Variants in SNED1 observed in about 807,000 individuals in gnomAD.
The protein encoded by SNED1 is sushi, nidogen and EGF-like domain-containing protein 1.
SNED1 carries 81 observed loss-of-function variants against 166.7 expected under a neutral mutation model. The observed-to-expected ratio is 0.49, with a 90% CI of 0.41 to 0.58. SNED1 has a LOEUF of 0.58. Among genes scored for constraint, SNED1 ranks in the 20% least tolerant of loss-of-function variants. The pLI, the probability that SNED1 is intolerant of heterozygous loss-of-function variation, is 0.00. For synonymous variants in SNED1, 762 were observed against 822.0 expected (o/e 0.93, Z 1.25); for missense variants, 1,604 against 2,000.2 (o/e 0.80, Z 3.78).
rs776159705 is a variant in SNED1 at position 241,048,815 on chromosome 2, A to AT, written c.1504+50dup. On this transcript the variant is annotated intron_variant, in intron 10 of 31. Transcript: ENST00000310397. ...TGCCCTGTCCCTGAGCATCCTCATAATCGGGAAATGAATGGTGGCTTCGGC... is the reference window on the plus strand; with the variant it reads ...TGCCCTGTCCCTGAGCATCCTCATAATTCGGGAAATGAATGGTGGCTTCGGC... 5.5e-6 allele frequency: 8 copies of AT among 1,462,642 alleles called. No individual in the cohort carries two copies. The South Asian group carries it at 9.6e-5, about 17-fold the overall frequency. 90.6% of individuals were successfully genotyped at this position (1,462,642 alleles called of 1,614,324 possible).
intron 8 of SNED1, among the ~76,000 whole-genome samples, chr2:241,048,003 A>G (rs1019385381): frequency 1.6e-4 from 22 of 136,766 alleles, no homozygotes; most frequent in African/African-American, 6.1e-4. Context: ...GTTCTGTCCA[A>G]TCCTGGGTGG....
intron 8 of SNED1, among the ~76,000 whole-genome samples, chr2:241,044,456 G>C (rs748575448): frequency 6.6e-6 from 1 of 152,234 alleles, no homozygotes; most frequent in African/African-American, 2.4e-5. Flanking sequence ...GTAGCTGTCA[G>C]AGGACTCTGA....
chr2:241,051,297 A>C lies in SNED1; in HGVS notation c.1736-447A>C. 6.3e-6 allele frequency: 1 copy of C among 158,088 alleles called. No homozygotes were observed. The highest frequency in any genetic ancestry group is 1.4e-5 in the Non-Finnish European group (1 of 72,106). The allele number at this position is 158,088 out of a possible 1,614,324, so 9.8% of individuals were successfully genotyped here. On this transcript the variant is annotated intron_variant, in intron 12 of 31. Transcript: ENST00000310397. This position sits in a 1 kb window ranked among gnomAD's most constrained non-coding sequence, Gnocchi z 4.7. ...TCCAGGAACTGTTAGGACCCAGGGA[A>C]AATGTGGCAATGCCAATGCAGGTAC...
At position 241,013,383 on chromosome 2, in the gene SNED1, G is replaced by A. The variant is rs1164661358; in HGVS notation, c.213+14333G>A. The stretch of plus-strand genomic sequence containing the variant: ...TGCAGTGGCCTGAGCCTAGCTCACT[G>A]TAACCTCGAACTCATGGGCTCCAGT... On this transcript the variant is annotated intron_variant, in intron 1 of 31. Transcript: ENST00000310397. The surrounding 1 kb of genome is among the most constrained non-coding windows in gnomAD (Gnocchi z 4.6). Among the ~76,000 whole-genome samples, 1 of 152,136 alleles carries A rather than the reference G, an allele frequency of 6.6e-6. No individual in the cohort carries two copies. Among genetic ancestry groups the A allele is most frequent in the Non-Finnish European group, 1.5e-5 (1 of 68,036 alleles).
At chr2:241,007,404 A>C (rs1325066314) in intron 1 of SNED1, among the ~76,000 whole-genome samples, 1 of 152,218 alleles carries the variant, frequency 6.6e-6, no homozygotes, top group Non-Finnish European at 1.5e-5. Context: ...CAAAACCTTG[A>C]TTGCACCCTT....
rs1559262691 is a variant in SNED1 at position 241,048,646 on chromosome 2, CCT to C, written c.1400-11_1400-10del. 1 of 1,597,014 alleles carries C rather than the reference CCT, an allele frequency of 6.3e-7. No homozygotes were observed. Among genetic ancestry groups the C allele is most frequent in the South Asian group, 1.1e-5 (1 of 87,998 alleles). ...TGCGCCCCCACATGGGAGGCTCCTC[CCT>C]CTCTTCGTGGCAGGAGTCCCCGATG... On this transcript the variant is annotated splice_polypyrimidine_tract_variant and intron_variant, in intron 9 of 31. Transcript: ENST00000310397.
intron 16 of SNED1, among the ~76,000 whole-genome samples, chr2:241,054,002 T>C (rs2061962794): frequency 6.6e-6 from 1 of 152,204 alleles, no homozygotes; most frequent in South Asian, 2.1e-4. Flanking sequence ...AGCACCCAGA[T>C]TTGAGTGGGG....
rs202020143 is a variant in SNED1, at chr2:241,034,618, G to A, written c.693G>A (p.Ser231=). The change falls in exon 4 of 32, where the codon TCG becomes TCA. Residue 231 remains serine, a synonymous_variant. Transcript: ENST00000310397. ...DGQRYFSIPG[S]RTADMAEVET... is the part of the protein sequence containing the mutation. ...AGCGTTACTTCAGTATCCCCGGCTC[G>A]CGCACAGCAGACATGGCCGAGGTGG... The A allele has an allele frequency of 2.9e-5, 46 of 1,611,608 alleles. No homozygotes were observed. Among genetic ancestry groups the A allele is most frequent in the East Asian group, 1.3e-4 (6 of 44,852 alleles).
chr2:241,034,690 C>T lies in SNED1; in HGVS notation c.765C>T (p.Ile255=), dbSNP rs1559244560. ...TGCCCGGGCGCTGGGCGTTCAGAAT[C>T]GATGATGCCCAGGTGCGCGTGGGGG... ...VGVPGRWAFR[I]DDAQVRVGGC... The change falls in exon 4 of 32, where the codon ATC becomes ATT. Residue 255 remains isoleucine, a synonymous_variant. Coordinates refer to ENST00000310397, the MANE Select transcript of SNED1 (RefSeq NM_001080437.3). The T allele has an allele frequency of 1.9e-6, 3 of 1,600,118 alleles. No individual in the cohort carries two copies. Among genetic ancestry groups the T allele is most frequent in the African/African-American group, 1.3e-5 (1 of 74,628 alleles).
Position 241,064,006 on chromosome 2 carries a change from C to T in SNED1, c.2486-6C>T, listed in dbSNP as rs1165245022. The T allele has an allele frequency of 1.7e-5, 26 of 1,547,468 alleles. No individual in the cohort carries two copies. The highest frequency in any genetic ancestry group is 2.3e-5 in the Non-Finnish European group (26 of 1,143,996). On this transcript the variant is annotated splice_polypyrimidine_tract_variant and splice_region_variant and intron_variant, in intron 18 of 31. Transcript: ENST00000310397. This position sits in a 1 kb window ranked among gnomAD's most constrained non-coding sequence, Gnocchi z 7.0. ...AGCTTGGGCCCACTCTCTGGGTGTT[C>T]TCCAGAGGTGGACGCCTGCGACTCC...
intron 21 of SNED1, among the ~76,000 whole-genome samples, chr2:241,066,157 T>G (rs971883458): frequency 6.6e-6 from 1 of 152,162 alleles, no homozygotes; most frequent in Non-Finnish European, 1.5e-5. Flanking sequence ...TGACCAGATG[T>G]GACCCCTGAA....
In SNED1 at chr2:241,081,731, C is replaced by T. The variant is rs771290153; in HGVS notation, c.3971C>T (p.Pro1324Leu). Reference protein sequence around the residue: ...NPCQNGGTCVPGADAHSCDCG... With the variant: ...NPCQNGGTCVLGADAHSCDCG... ...TGTCAGAACGGAGGCACTTGTGTGC[C>T]GGGCGCAGACGCCCACAGCTGTGAC... is the stretch of plus-strand genomic sequence containing the variant. The change falls in exon 28 of 32, where the codon CCG (proline) becomes CTG (leucine). Residue 1324 changes from proline (P) to leucine (L), a missense_variant. Physicochemically the swap from Pro to Leu is moderately conservative, Grantham distance 98. Transcript: ENST00000310397. 41 of 1,609,234 alleles carry T rather than the reference C, an allele frequency of 2.5e-5. No homozygotes were observed. The Admixed American group carries it at 5.6e-4, about 22-fold the overall frequency.
rs1479053361 is a variant in SNED1, at chr2:241,067,792, C to T, written c.3039C>T (p.Val1013=). ...CCCGCCCTGTGGAAGGCTTCGAGGT[C>T]ACCAATGTGACGGCTAGCACCATCT... ...TRPRPVEGFE[V]TNVTASTISV... The change falls in exon 22 of 32, where the codon GTC becomes GTT. Residue 1013 remains valine, a synonymous_variant. Coordinates refer to ENST00000310397, the MANE Select transcript of SNED1 (RefSeq NM_001080437.3). 6.2e-7 allele frequency: 1 copy of T among 1,611,510 alleles called. No individual in the cohort carries two copies. The highest frequency in any genetic ancestry group is 8.5e-7 in the Non-Finnish European group (1 of 1,178,166).
intron 1 of SNED1, among the ~76,000 whole-genome samples, chr2:241,008,264 C>T (rs1231947881): frequency 3.9e-5 from 6 of 152,242 alleles, no homozygotes; most frequent in Admixed American, 2.0e-4. Flanking sequence ...CTCAGAGCCC[C>T]ACCTGGGAAG....
chr2:241,073,650 C>A lies in SNED1; in HGVS notation c.3916+286C>A. On this transcript the variant is annotated intron_variant, in intron 27 of 31. Coordinates refer to ENST00000310397, the MANE Select transcript of SNED1 (RefSeq NM_001080437.3). The surrounding 1 kb of genome is among the most constrained non-coding windows in gnomAD (Gnocchi z 6.6). Reference sequence around the variant, plus strand: ...TTTGATGCTGCCTCCCCTCCCCTCTCCTCCTTCGCCTCCACATGCAGCAGA... The same window carrying A: ...TTTGATGCTGCCTCCCCTCCCCTCTACTCCTTCGCCTCCACATGCAGCAGA... 1 of 504,616 alleles carries A rather than the reference C, an allele frequency of 2.0e-6. No individual in the cohort carries two copies. Among genetic ancestry groups the A allele is most frequent in the Non-Finnish European group, 3.5e-6 (1 of 284,556 alleles). The allele number at this position is 504,616 out of a possible 1,614,324, so 31.3% of individuals were successfully genotyped here.
intron 27 of SNED1, chr2:241,074,317 G>A (rs2062908418): frequency 6.6e-6 from 1 of 151,922 alleles, no homozygotes; most frequent in African/African-American, 2.4e-5. Context: ...TACAAGGTCT[G>A]GACTTGCTGC....
chr2:241,045,207 G>A (rs75060203), intron 8 of SNED1, among the ~76,000 whole-genome samples: 5,782 of 152,282 alleles, frequency 0.038, 661 homozygotes, highest in East Asian at 0.26. Flanking sequence ...AAGACTCAAC[G>A]TAGTAAATAT....
At chr2:241,015,202 G>T (rs1418108926) in intron 1 of SNED1, among the ~76,000 whole-genome samples, 1 of 152,220 alleles carries the variant, frequency 6.6e-6, no homozygotes, top group Non-Finnish European at 1.5e-5. Context: ...TCAATGTGAG[G>T]AAAACTGATA....
At position 241,064,763 on chromosome 2, in the gene SNED1, G is replaced by A; in HGVS notation, c.2600-81G>A. On this transcript the variant is annotated intron_variant, in intron 19 of 31. Transcript: ENST00000310397. The surrounding 1 kb of genome is among the most constrained non-coding windows in gnomAD (Gnocchi z 7.0). ...TCCACACCCACGCAGGAGGGACCCA[G>A]TGCCCCAGGAGCAAGGGCGGGGCTG... 1 of 1,004,250 alleles carries A rather than the reference G, an allele frequency of 1.0e-6. No homozygotes were observed. The highest frequency in any genetic ancestry group is 3.3e-5 in the Admixed American group (1 of 30,398). 62.2% of individuals were successfully genotyped at this position (1,004,250 alleles called of 1,614,324 possible). A position where few individuals can be genotyped will look rare whatever the true frequency, so the allele number is the denominator to read the frequency against.
Sources: allele counts gnomAD v4.1 joint callset (sites outside exome capture counted in the v4.1 genomes callset), GRCh38; gene constraint gnomAD v4.1.1; non-coding constraint Gnocchi (gnomAD v3.1); transcripts MANE v1.5; gene names NCBI Gene and HGNC (gene_info 2026-07-23, HGNC 2026-07-21).